CTNNBL1: variants seen among roughly 807,000 people sequenced by gnomAD.
CTNNBL1 encodes catenin beta like 1, also known as beta-catenin-like protein 1.
In CTNNBL1, 31 loss-of-function variants were observed where a neutral mutation model predicts 72.7. The observed-to-expected ratio is 0.43, with a 90% confidence interval of 0.32 to 0.58. The LOEUF (loss-of-function observed/expected upper bound fraction) is 0.58. Ranked by LOEUF, CTNNBL1 falls within the 20% of genes least tolerant of loss-of-function variation. The probability of loss-of-function intolerance (pLI) is 0.08; values close to 1 mark genes in which losing one functional copy is unlikely to be tolerated. For missense variants in CTNNBL1, 534 were observed against 725.1 expected (o/e 0.74, Z 3.03); for synonymous variants, 240 against 267.3 (o/e 0.90, Z 1.00).
intron 2 of CTNNBL1, among the ~76,000 whole-genome samples, chr20:37,736,606 T>C (rs978271081): frequency 6.6e-6 from 1 of 152,078 alleles, no homozygotes; most frequent in Admixed American, 6.5e-5. Context: ...AGCGGCACAG[T>C]CTCGGCTCAC....
intron 3 of CTNNBL1, among the ~76,000 whole-genome samples, chr20:37,742,731 A>AG (rs1226673698): frequency 1.8e-5 from 2 of 108,660 alleles, no homozygotes; most frequent in African/African-American, 1.3e-4. Flanking sequence ...TGATTAAAAA[A>AG]AAATAATAAA....
chr20:37,837,738 C>G (rs2072267420), intron 11 of CTNNBL1, among the ~76,000 whole-genome samples: 1 of 152,190 alleles, frequency 6.6e-6, no homozygotes. Flanking sequence ...CCCACCTCCA[C>G]CACTGAAAAC....
chr20:37,792,372 C>G (rs1398979859), intron 10 of CTNNBL1, among the ~76,000 whole-genome samples: 4 of 151,928 alleles, frequency 2.6e-5, no homozygotes, highest in Non-Finnish European at 5.9e-5. Context: ...TCAGTTCTCG[C>G]TACATTGCCC....
At chr20:37,767,865 G>C (rs1400448949) in intron 6 of CTNNBL1, 88 bp from the exon 7 acceptor site, 8 of 1,004,576 alleles carry the variant, frequency 8.0e-6, no homozygotes, top group Non-Finnish European at 1.3e-5. Flanking sequence ...AGTGGGGAGA[G>C]GAATAACATG....
At chr20:37,789,422 A>G (rs1194051834) in intron 10 of CTNNBL1, among the ~76,000 whole-genome samples, 1 of 152,238 alleles carries the variant, frequency 6.6e-6, no homozygotes, top group Non-Finnish European at 1.5e-5. Flanking sequence ...GATGTTTGAG[A>G]GTAAAATAAA....
intron 1 of CTNNBL1, among the ~76,000 whole-genome samples, chr20:37,697,729 CTTA>C (rs1738868723): frequency 6.6e-6 from 1 of 152,086 alleles, no homozygotes; most frequent in Non-Finnish European, 1.5e-5. Context: ...TCCTGGTCTC[CTTA>C]TTATTATTTT....
intron 7 of CTNNBL1, among the ~76,000 whole-genome samples, chr20:37,772,055 C>T (rs539304368): frequency 6.6e-6 from 1 of 152,190 alleles, no homozygotes; most frequent in Non-Finnish European, 1.5e-5. Context: ...TGATGCTCGC[C>T]CTCATGGAGC....
At chr20:37,803,871 T>TG (rs2071928486) in intron 11 of CTNNBL1, among the ~76,000 whole-genome samples, 1 of 152,048 alleles carries the variant, frequency 6.6e-6, no homozygotes, top group Non-Finnish European at 1.5e-5. Flanking sequence ...CTTTTTTTTT[T>TG]GTCAGTGCTT....
intron 15 of CTNNBL1, among the ~76,000 whole-genome samples, chr20:37,868,734 G>T (rs1378903738): frequency 2.6e-5 from 4 of 152,194 alleles, no homozygotes; most frequent in Non-Finnish European, 5.9e-5. Context: ...ATTGATGCAG[G>T]TGTGGGTTCC....
intron 6 of CTNNBL1, among the ~76,000 whole-genome samples, chr20:37,765,584 A>G (rs1272251857): frequency 6.6e-6 from 1 of 152,240 alleles, no homozygotes; most frequent in African/African-American, 2.4e-5. Context: ...GATGAAACCT[A>G]TGCTGGTTAA....
intron 1 of CTNNBL1, among the ~76,000 whole-genome samples, chr20:37,697,606 C>T (rs900844420): frequency 2.0e-5 from 3 of 152,170 alleles, no homozygotes; most frequent in Non-Finnish European, 2.9e-5. Flanking sequence ...TTGAGAGATA[C>T]GGTAGATACC....
chr20:37,710,040 T>C (rs1324980108), intron 1 of CTNNBL1, among the ~76,000 whole-genome samples: 1 of 152,232 alleles, frequency 6.6e-6, no homozygotes, highest in Non-Finnish European at 1.5e-5. Flanking sequence ...TGCTGTGTCC[T>C]TGATTATGCG....
chr20:37,727,326 ACACAGG>A, intron 1 of CTNNBL1: 1 of 984,944 alleles, frequency 1.0e-6, no homozygotes, highest in Non-Finnish European at 1.2e-6. Context: ...ACACGCACAC[ACACAGG>A]CAATAGGCCT....
intron 13 of CTNNBL1, among the ~76,000 whole-genome samples, chr20:37,843,871 T>G (rs2072325358): frequency 6.6e-6 from 1 of 152,220 alleles, no homozygotes; most frequent in South Asian, 2.1e-4. Flanking sequence ...AACTGGGGCT[T>G]TCTTCTTTTA....
At chr20:37,793,246 G>C (rs552206400) in intron 10 of CTNNBL1, among the ~76,000 whole-genome samples, 1 of 152,030 alleles carries the variant, frequency 6.6e-6, no homozygotes, top group Non-Finnish European at 1.5e-5. Flanking sequence ...ACTGTAATTC[G>C]GGATATGTCT....
chr20:37,711,965 C>G lies in CTNNBL1; in HGVS notation c.30+17813C>G, dbSNP rs6125956. On this transcript the variant is annotated intron_variant, in intron 1 of 15. Coordinates refer to ENST00000361383, the MANE Select transcript of CTNNBL1 (RefSeq NM_030877.5). ...GAAGCCATTAGGGGTTTTAAGCTGT[C>G]GAGTGACACAATTTGGTTTACGTTT... is the stretch of plus-strand genomic sequence containing the variant. 2.8e-3 allele frequency among the ~76,000 whole-genome samples: 431 copies of G among 152,182 alleles called. 5 individuals carry two copies. The highest frequency in any genetic ancestry group is 0.017 in the East Asian group (89 of 5,174).
At chr20:37,809,342 G>A (rs538842364) in intron 11 of CTNNBL1, among the ~76,000 whole-genome samples, 1 of 152,286 alleles carries the variant, frequency 6.6e-6, no homozygotes, top group East Asian at 1.9e-4. Context: ...TGAAACAAAA[G>A]GCATTAGAAT....
At chr20:37,819,596 A>G (rs2072087755) in intron 11 of CTNNBL1, among the ~76,000 whole-genome samples, 1 of 152,170 alleles carries the variant, frequency 6.6e-6, no homozygotes, top group Non-Finnish European at 1.5e-5. Context: ...ATGTTTCTCA[A>G]ATAAACCCCT....
chr20:37,769,831 G>C (rs2073506908), intron 7 of CTNNBL1, among the ~76,000 whole-genome samples: 1 of 152,176 alleles, frequency 6.6e-6, no homozygotes, highest in African/African-American at 2.4e-5. Context: ...AGAAAGTCTG[G>C]GGTGTATCAG....
Sources: gnomAD v4.1 joint callset for allele counts (sites outside exome capture counted in the v4.1 genomes callset) on GRCh38, gnomAD v4.1.1 for gene constraint, MANE v1.5 for transcripts, NCBI Gene and HGNC (gene_info 2026-07-23, HGNC 2026-07-21) for gene names.